The following RALYL variants were observed in gnomAD, a reference collection of about 807,000 sequenced individuals.
RALYL encodes the protein RALY RNA binding protein like.
RALYL carries 29 observed loss-of-function variants against 35.1 expected under a neutral mutation model. The ratio of observed to expected loss-of-function variants is 0.83; its 90% confidence interval spans 0.61 to 1.13. The LOEUF (loss-of-function observed/expected upper bound fraction) is 1.13, where lower values mean the gene tolerates loss of function less well. Among genes scored for constraint, RALYL ranks in the 50% most tolerant of loss-of-function variants. The probability of loss-of-function intolerance (pLI) is 0.00; values close to 1 mark genes in which losing one functional copy is unlikely to be tolerated. For missense variants in RALYL, 359 were observed against 360.4 expected (o/e 1.00, Z 0.03); for synonymous variants, 120 against 127.6 (o/e 0.94, Z 0.40).
chr8:84,824,559 A>T (rs190532315), intron 4 of RALYL, among the ~76,000 whole-genome samples: 3 of 152,300 alleles, frequency 2.0e-5, no homozygotes, highest in Admixed American at 6.5e-5. Context: ...TATCCAAAAC[A>T]ATCCTAAGTA....
chr8:84,759,508 G>A (rs1812191669), intron 2 of RALYL, among the ~76,000 whole-genome samples: 1 of 152,070 alleles, frequency 6.6e-6, no homozygotes, highest in South Asian at 2.1e-4. Flanking sequence ...TCTTTCTCAG[G>A]TATCTATGGT....
chr8:84,607,156 T>G (rs1398817506), intron 2 of RALYL, among the ~76,000 whole-genome samples: 1 of 152,096 alleles, frequency 6.6e-6, no homozygotes, highest in Non-Finnish European at 1.5e-5. Context: ...CCAGATTTTC[T>G]TCTTCCTTCT....
intron 2 of RALYL, chr8:84,706,087 C>G: frequency 4.6e-6 from 7 of 1,532,174 alleles, no homozygotes; most frequent in Non-Finnish European, 5.2e-6. Flanking sequence ...CCAACTTTTT[C>G]ATATCACTGG....
At chr8:84,609,927 G>A (rs760725088) in intron 2 of RALYL, among the ~76,000 whole-genome samples, 10 of 152,070 alleles carry the variant, frequency 6.6e-5, no homozygotes, top group African/African-American at 9.7e-5. Context: ...AAGAGAGAGC[G>A]TATGCAGGGG....
chr8:84,884,025 G>A (rs1044426169), intron 7 of RALYL, among the ~76,000 whole-genome samples: 6 of 152,022 alleles, frequency 3.9e-5, no homozygotes, highest in Non-Finnish European at 8.8e-5. Flanking sequence ...ATTAGCAGAA[G>A]TATGGATCTC....
At chr8:84,815,961 G>A (rs1328897418) in intron 4 of RALYL, among the ~76,000 whole-genome samples, 1 of 149,656 alleles carries the variant, frequency 6.7e-6, no homozygotes, top group Non-Finnish European at 1.5e-5. Context: ...CTGAACCGGG[G>A]AGTCAGAGGT....
At chr8:84,707,032 A>G (rs777694324) in intron 2 of RALYL, among the ~76,000 whole-genome samples, 1 of 152,180 alleles carries the variant, frequency 6.6e-6, no homozygotes, top group East Asian at 1.9e-4. Flanking sequence ...ATCAAAGTCT[A>G]TCAGTCACAA....
intron 2 of RALYL, among the ~76,000 whole-genome samples, chr8:84,588,484 G>T (rs915685848): frequency 3.3e-5 from 5 of 152,186 alleles, no homozygotes; most frequent in Non-Finnish European, 5.9e-5. Flanking sequence ...TTTATGTGAG[G>T]TGTGTAACAG....
At chr8:84,714,612 G>C (rs1842681626) in intron 2 of RALYL, among the ~76,000 whole-genome samples, 1 of 151,908 alleles carries the variant, frequency 6.6e-6, no homozygotes, top group South Asian at 2.1e-4. Context: ...AGTGTAGGAA[G>C]TAGTGTTTTC....
intron 2 of RALYL, among the ~76,000 whole-genome samples, chr8:84,769,487 G>A (rs908999539): frequency 4.6e-5 from 7 of 152,122 alleles, no homozygotes; most frequent in South Asian, 4.1e-4. Flanking sequence ...GGCCCAGCAC[G>A]GTGGCTCACA....
Position 84,638,646 on chromosome 8 carries a change from A to T in RALYL, c.256+109069A>T, listed in dbSNP as rs980566135. Among the ~76,000 whole-genome samples the T allele has an allele frequency of 5.3e-5, 8 of 151,586 alleles. No homozygotes were observed. The East Asian group carries it at 1.6e-3, about 30-fold the overall frequency. On this transcript the variant is annotated intron_variant, in intron 2 of 8. Coordinates refer to ENST00000521268, the MANE Select transcript of RALYL (RefSeq NM_173848.7). ...ATTAATAGCAGAAATTTGCTGGAGCATTATGGTGTAGGGAACTAAAAGGTT... is the reference window on the plus strand; with the variant it reads ...ATTAATAGCAGAAATTTGCTGGAGCTTTATGGTGTAGGGAACTAAAAGGTT...
intron 1 of RALYL, among the ~76,000 whole-genome samples, chr8:84,212,039 C>G (rs1217558159): frequency 6.6e-6 from 1 of 152,058 alleles, no homozygotes; most frequent in East Asian, 1.9e-4. Context: ...GCAACTCAGG[C>G]AGTTTTAGTT....
At chr8:84,715,823 A>G (rs1842876447) in intron 2 of RALYL, among the ~76,000 whole-genome samples, 1 of 152,052 alleles carries the variant, frequency 6.6e-6, no homozygotes, top group Non-Finnish European at 1.5e-5. Flanking sequence ...CTAACAATGG[A>G]ATTTCTGACA....
chr8:84,579,820 G>A (rs985546814), intron 2 of RALYL, among the ~76,000 whole-genome samples: 4 of 152,054 alleles, frequency 2.6e-5, no homozygotes, highest in Admixed American at 2.0e-4. Context: ...TAAAATAATG[G>A]TCAGTCTAGT....
intron 1 of RALYL, among the ~76,000 whole-genome samples, chr8:84,421,939 A>G (rs1446612854): frequency 6.6e-6 from 1 of 151,692 alleles, no homozygotes; most frequent in Non-Finnish European, 1.5e-5. Flanking sequence ...GTGCTGCTGG[A>G]TTCGGTTTGC....
At chr8:84,663,664 G>T (rs1212332779) in intron 2 of RALYL, among the ~76,000 whole-genome samples, 1 of 151,934 alleles carries the variant, frequency 6.6e-6, no homozygotes, top group Non-Finnish European at 1.5e-5. Flanking sequence ...TTTTAATGGG[G>T]TTGTTTTTTT....
intron 1 of RALYL, among the ~76,000 whole-genome samples, chr8:84,322,585 C>T (rs1845067390): frequency 6.6e-6 from 1 of 152,078 alleles, no homozygotes; most frequent in Non-Finnish European, 1.5e-5. Flanking sequence ...GATTTAAAGC[C>T]AGAGACCTAA....
intron 2 of RALYL, among the ~76,000 whole-genome samples, chr8:84,668,664 T>C (rs1484457838): frequency 6.6e-6 from 1 of 152,080 alleles, no homozygotes; most frequent in African/African-American, 2.4e-5. Flanking sequence ...ACTGTACAAA[T>C]AGAACAGTCA....
intron 6 of RALYL, among the ~76,000 whole-genome samples, chr8:84,867,553 G>A (rs1054135332): frequency 2.0e-5 from 3 of 152,092 alleles, no homozygotes; most frequent in Non-Finnish European, 4.4e-5. Context: ...GTGAAACAAG[G>A]GGACAAATTC....
Sources: allele counts gnomAD v4.1 joint callset (sites outside exome capture counted in the v4.1 genomes callset), GRCh38; gene constraint gnomAD v4.1.1; transcripts MANE v1.5; gene names NCBI Gene and HGNC (gene_info 2026-07-23, HGNC 2026-07-21).